DGKB: variants seen among roughly 807,000 people sequenced by gnomAD.
The protein encoded by DGKB is 90 kDa diacylglycerol kinase.
A neutral mutation model predicts 114.3 loss-of-function variants in DGKB; 67 were observed. The ratio of observed to expected loss-of-function variants is 0.59; its 90% CI spans 0.48 to 0.72. DGKB has a LOEUF of 0.72. DGKB is among the 30% of genes least tolerant of loss of function. The pLI is 0.00. For missense variants in DGKB, 907 were observed against 975.2 expected (o/e 0.93, Z 0.93); for synonymous variants, 398 against 323.1 (o/e 1.23, Z -2.49).
intron 2 of DGKB, among the ~76,000 whole-genome samples, chr7:14,834,088 G>C (rs189879132): frequency 1.1e-3 from 163 of 152,126 alleles, no homozygotes; most frequent in Non-Finnish European, 1.9e-3. Context: ...TGGTAACTAA[G>C]GAAACTTGGA....
At position 14,851,853 on chromosome 7, in the gene DGKB, C is replaced by A. The variant is rs114888524; in HGVS notation, c.-187-10403G>T. Among the ~76,000 whole-genome samples, 337 of 152,244 alleles carry A rather than the reference C, an allele frequency of 2.2e-3. 1 individual carries two copies. The highest frequency in any genetic ancestry group is 8.0e-3 in the African/African-American group (332 of 41,552). On this transcript the variant is annotated intron_variant, in intron 1 of 25. Coordinates refer to ENST00000402815, the MANE Select transcript of DGKB (RefSeq NM_001350709.2). ...CCCAGATGAAGTCACAGTCAGCAAG[C>A]CAGCTTCCACCCCCAAACATGAGTA... is the stretch of plus-strand genomic sequence containing the variant.
At chr7:14,308,941 C>T (rs1208133528) in intron 23 of DGKB, among the ~76,000 whole-genome samples, 1 of 152,134 alleles carries the variant, frequency 6.6e-6, no homozygotes, top group Non-Finnish European at 1.5e-5. Context: ...ATAGGCTGTG[C>T]ATGGTGGCTC....
At chr7:14,261,362 T>G (rs949624704) in intron 23 of DGKB, among the ~76,000 whole-genome samples, 4 of 152,132 alleles carry the variant, frequency 2.6e-5, no homozygotes, top group African/African-American at 9.6e-5. Flanking sequence ...GGTGGCCTCT[T>G]CATATTTTTA....
At position 14,886,697 on chromosome 7, in the gene DGKB, A is replaced by G. The variant is rs142184695; in HGVS notation, c.-188+15895T>C. ...ATAATCACTCACCTTTATTACCACA[A>G]TAGCTGGCTGGCTACCACCTTCCAT... is the stretch of plus-strand genomic sequence containing the variant. On this transcript the variant is annotated intron_variant, in intron 1 of 25. Coordinates refer to ENST00000402815, the MANE Select transcript of DGKB (RefSeq NM_001350709.2). Among the ~76,000 whole-genome samples the G allele has an allele frequency of 3.4e-4, 52 of 152,000 alleles. No individual in the cohort carries two copies. In the East Asian group the frequency reaches 9.9e-3, roughly 29 times the overall value.
chr7:14,932,826 C>A (rs1248815523), intron 1 of DGKB, among the ~76,000 whole-genome samples: 6 of 152,116 alleles, frequency 3.9e-5, no homozygotes, highest in Non-Finnish European at 1.5e-5. Flanking sequence ...GGCTTCCAGG[C>A]AACTGGTGTT....
intron 25 of DGKB, among the ~76,000 whole-genome samples, chr7:14,173,190 C>A (rs919379124): frequency 6.6e-6 from 1 of 152,082 alleles, no homozygotes; most frequent in African/African-American, 2.4e-5. Flanking sequence ...CTAGATGGTC[C>A]TAAAAATAAT....
chr7:14,942,828 C>G (rs1282081647), intron 1 of DGKB, among the ~76,000 whole-genome samples: 1 of 152,012 alleles, frequency 6.6e-6, no homozygotes, highest in African/African-American at 2.4e-5. Flanking sequence ...ACCTAAAATA[C>G]CTTTTGCATT....
chr7:14,871,245 C>G (rs1015885615), intron 1 of DGKB, among the ~76,000 whole-genome samples: 3 of 152,148 alleles, frequency 2.0e-5, no homozygotes, highest in Non-Finnish European at 4.4e-5. Flanking sequence ...TGTATCATTT[C>G]TTTGTATTGA....
At chr7:14,331,914 T>G (rs200058948) in intron 23 of DGKB, among the ~76,000 whole-genome samples, 1 of 152,122 alleles carries the variant, frequency 6.6e-6, no homozygotes, top group African/African-American at 2.4e-5. Flanking sequence ...ACACAGTCTC[T>G]CCCAACAGTG....
At chr7:14,879,360 G>A (rs929547518) in intron 1 of DGKB, among the ~76,000 whole-genome samples, 1 of 149,524 alleles carries the variant, frequency 6.7e-6, no homozygotes, top group Non-Finnish European at 1.5e-5. Context: ...AGGATCAGTT[G>A]TATCATTTGA....
intron 1 of DGKB, among the ~76,000 whole-genome samples, chr7:14,911,032 T>C (rs539840465): frequency 6.6e-6 from 1 of 152,252 alleles, no homozygotes; most frequent in East Asian, 1.9e-4. Context: ...ATATGCTTTA[T>C]GCCAAAGTAA....
At chr7:14,716,480 G>T (rs1828205158) in intron 6 of DGKB, among the ~76,000 whole-genome samples, 1 of 152,056 alleles carries the variant, frequency 6.6e-6, no homozygotes, top group African/African-American at 2.4e-5. Flanking sequence ...AATTATAATT[G>T]CTTTTTCTTA....
intron 15 of DGKB, among the ~76,000 whole-genome samples, chr7:14,614,239 A>C (rs746912915): frequency 4.5e-4 from 68 of 152,152 alleles, no homozygotes; most frequent in Non-Finnish European, 8.4e-4. Flanking sequence ...AGGTGATAGC[A>C]CGTATTTTTG....
intron 1 of DGKB, among the ~76,000 whole-genome samples, chr7:14,923,569 G>C (rs1188877892): frequency 1.3e-5 from 2 of 152,046 alleles, no homozygotes; most frequent in African/African-American, 4.8e-5. Flanking sequence ...CTGTATTGTA[G>C]TTCAAACCAT....
intron 13 of DGKB, among the ~76,000 whole-genome samples, chr7:14,646,975 A>T (rs924128982): frequency 6.6e-6 from 1 of 151,962 alleles, no homozygotes; most frequent in Admixed American, 6.5e-5. Flanking sequence ...AATAAAGATC[A>T]AAGCAGAACT....
intron 23 of DGKB, among the ~76,000 whole-genome samples, chr7:14,284,117 TG>T (rs1800430948): frequency 6.6e-6 from 1 of 152,112 alleles, no homozygotes; most frequent in Non-Finnish European, 1.5e-5. Flanking sequence ...CCTGCTCATC[TG>T]ACAAAGGGCT....
chr7:14,570,674 C>T (rs908697487), intron 20 of DGKB, among the ~76,000 whole-genome samples: 2 of 151,936 alleles, frequency 1.3e-5, no homozygotes, highest in African/African-American at 2.4e-5. Context: ...AGTTGATCAT[C>T]ATAAAGGTCT....
chr7:14,279,190 G>A lies in DGKB; in HGVS notation c.2122+59325C>T, dbSNP rs565049838. Among the ~76,000 whole-genome samples, 493 of 152,160 alleles carry A rather than the reference G, an allele frequency of 3.2e-3. 2 individuals are homozygous for A. The highest frequency in any genetic ancestry group is 0.011 in the African/African-American group (466 of 41,446). ...TTTTCCGATGGGCTTAAAAAATGGC[G>A]CACCACGAGATTATATCCCGCACGT... On this transcript the variant is annotated intron_variant, in intron 23 of 25. Transcript: ENST00000402815.
chr7:14,373,990 G>T (rs1304617094), intron 21 of DGKB, among the ~76,000 whole-genome samples: 3 of 151,922 alleles, frequency 2.0e-5, no homozygotes, highest in Admixed American at 6.6e-5. Flanking sequence ...CTCTGCTGAG[G>T]TCCCCTTGCC....
Sources: allele counts gnomAD v4.1 joint callset (sites outside exome capture counted in the v4.1 genomes callset), GRCh38; gene constraint gnomAD v4.1.1; transcripts MANE v1.5; gene names NCBI Gene and HGNC (gene_info 2026-07-23, HGNC 2026-07-21).